SEC16B: variants seen among roughly 807,000 people sequenced by gnomAD.
SEC16B encodes protein transport protein Sec16B.
In SEC16B, 115 loss-of-function variants were observed where a neutral mutation model predicts 141.8. That is an observed-to-expected ratio of 0.81 (90% CI 0.70 to 0.95). SEC16B has a LOEUF of 0.95. SEC16B is among the 40% of genes least tolerant of loss of function. The pLI is 0.00. For missense variants in SEC16B, 1,291 were observed against 1,312.3 expected (o/e 0.98, Z 0.25); for synonymous variants, 493 against 492.5 (o/e 1.00, Z -0.01).
chr1:177,938,061 GT>G (rs1250660750), intron 18 of SEC16B, among the ~76,000 whole-genome samples: 2 of 152,020 alleles, frequency 1.3e-5, no homozygotes, highest in Non-Finnish European at 2.9e-5. Context: ...CGGCCACAAG[GT>G]TTTTTTTCTC....
intron 8 of SEC16B, chr1:177,960,085 C>A (rs894320986): frequency 2.1e-6 from 1 of 478,268 alleles, no homozygotes; most frequent in African/African-American, 2.0e-5. Flanking sequence ...AACCATGCAG[C>A]CTCTGCATAA....
chr1:177,934,235 G>A (rs898868862), intron 20 of SEC16B, among the ~76,000 whole-genome samples: 2 of 151,782 alleles, frequency 1.3e-5, no homozygotes, highest in Non-Finnish European at 2.9e-5. Context: ...ACACAGTGTC[G>A]TACAACCATC....
At chr1:177,954,432 T>C in intron 10 of SEC16B, 56 bp from the exon 11 acceptor site, 1 of 1,429,332 alleles carries the variant, frequency 7.0e-7, no homozygotes, top group Non-Finnish European at 9.7e-7. Context: ...ACTCACAAGT[T>C]CCTGTGCTTA....
intron 17 of SEC16B, among the ~76,000 whole-genome samples, chr1:177,940,284 G>T (rs904713163): frequency 4.6e-5 from 7 of 152,198 alleles, no homozygotes; most frequent in African/African-American, 1.7e-4. Flanking sequence ...ATTGTTCCTA[G>T]CGGAGATGGG....
chr1:177,980,974 CT>C (rs1295211580), intron 1 of SEC16B, among the ~76,000 whole-genome samples: 2 of 152,110 alleles, frequency 1.3e-5, no homozygotes, highest in East Asian at 3.9e-4. Context: ...GTGGTTTGAG[CT>C]TAGAATGCAA....
upstream of SEC16B, among the ~76,000 whole-genome samples, chr1:177,973,496 C>CA (rs1345379349): frequency 6.6e-6 from 1 of 152,102 alleles, no homozygotes; most frequent in Non-Finnish European, 1.5e-5. Context: ...TATTTTTAAT[C>CA]AATAGTGTTA....
rs969891273 is a variant in SEC16B, at chr1:177,932,618, C to T, written c.2933-49G>A. 4.7e-6 allele frequency: 7 copies of T among 1,501,690 alleles called. No homozygotes were observed. The African/African-American group carries it at 8.4e-5, about 18-fold the overall frequency. The allele number at this position is 1,501,690 out of a possible 1,614,324, so 93.0% of individuals were successfully genotyped here. A position where few individuals can be genotyped will look rare whatever the true frequency, so the allele number is the denominator to read the frequency against. On this transcript the variant is annotated intron_variant, in intron 23 of 25. Transcript: ENST00000308284. ...GTTTCCTCTGCTCAGGACTGGGGGT[C>T]CCCACTCCCAGAAGGCACCCCAACC...
At position 177,937,706 on chromosome 1, in the gene SEC16B, TTTTG is replaced by T. The variant is rs374792336; in HGVS notation, c.2204-197_2204-194del. ...AACATCCTCATTGCTGTTTACAGAA[TTTTG>T]TTTGTTTGTTTTTTTCTTCACTAGT... is the stretch of plus-strand genomic sequence containing the variant. On this transcript the variant is annotated intron_variant, in intron 18 of 25. Coordinates refer to ENST00000308284, the MANE Select transcript of SEC16B (RefSeq NM_033127.4). Among the ~76,000 whole-genome samples the T allele has an allele frequency of 3.5e-4, 54 of 152,264 alleles. 1 individual carries two copies. The highest frequency in any genetic ancestry group is 4.6e-4 in the Admixed American group (7 of 15,302).
chr1:177,947,821 T>C lies in SEC16B; in HGVS notation c.1663+4A>G. 4 of 1,481,578 alleles carry C rather than the reference T, an allele frequency of 2.7e-6. No homozygotes were observed. Among genetic ancestry groups the C allele is most frequent in the Non-Finnish European group, 3.6e-6 (4 of 1,107,438 alleles). The allele number at this position is 1,481,578 out of a possible 1,614,324, so 91.8% of individuals were successfully genotyped here. A position where few individuals can be genotyped will look rare whatever the true frequency, so the allele number is the denominator to read the frequency against. On this transcript the variant is annotated splice_donor_region_variant and intron_variant, in intron 13 of 25. Transcript: ENST00000308284. ...AGCGGAGGGGAAATGCTGGTGTCGCTTACCCAGGGTGTCCCCAATGGCAAC... is the reference window on the plus strand; with the variant it reads ...AGCGGAGGGGAAATGCTGGTGTCGCCTACCCAGGGTGTCCCCAATGGCAAC...
At chr1:177,977,876 G>A (rs754704556) in intron 1 of SEC16B, among the ~76,000 whole-genome samples, 2 of 152,142 alleles carry the variant, frequency 1.3e-5, no homozygotes, top group Non-Finnish European at 2.9e-5. Flanking sequence ...TCTTTTAAAT[G>A]AAATTTTTAA....
rs202059411 is a variant in SEC16B, at chr1:177,944,589, C to T, written c.1853G>A (p.Arg618His). 19 of 1,613,554 alleles carry T rather than the reference C, an allele frequency of 1.2e-5. No homozygotes were observed. Among genetic ancestry groups the T allele is most frequent in the African/African-American group, 6.7e-5 (5 of 74,894 alleles). ...EIFEYCQMLG[R>H]PKSFIPSFQV... is the part of the protein sequence containing the mutation. ...GAAAGAAGGGATGAAGGATTTGGGG[C>T]GGCCCAGCATCTGACAGTACTCGAA... Residue 618 changes from arginine to histidine, a missense_variant, in exon 15 of 26, where the codon CGC (arginine) becomes CAC (histidine). Around this residue, in one of 3 missense-constraint regions of SEC16B, gnomAD observed 605 missense variants for 614.1 expected, o/e 0.99. Transcript: ENST00000308284.
chr1:177,975,101 G>C (rs753919703), upstream of SEC16B, among the ~76,000 whole-genome samples: 2 of 152,142 alleles, frequency 1.3e-5, no homozygotes, highest in Admixed American at 1.3e-4. Flanking sequence ...ACATTATGAC[G>C]GTTTGGAATG....
At chr1:177,946,831 A>G (rs1651753978) in intron 13 of SEC16B, among the ~76,000 whole-genome samples, 1 of 152,214 alleles carries the variant, frequency 6.6e-6, no homozygotes. Context: ...GTCTTTCCTC[A>G]GGGTGAAAAA....
upstream of SEC16B, among the ~76,000 whole-genome samples, chr1:177,971,679 T>G (rs12093787): frequency 0.15 from 22,094 of 152,206 alleles, 1,964 homozygotes; most frequent in East Asian, 0.42. Flanking sequence ...TTAGAGGTTA[T>G]TTTAGCAACT....
chr1:177,967,771 G>T lies in SEC16B; in HGVS notation c.211C>A (p.His71Asn). The change falls in exon 2 of 26, where the codon CAT becomes AAT. Residue 71 changes from histidine to asparagine, a missense_variant. His to Asn is a moderately conservative substitution (Grantham distance 68). Around this residue, in one of 3 missense-constraint regions of SEC16B, gnomAD observed 681 missense variants for 675.5 expected, o/e 1.01. Transcript: ENST00000308284. ...CAGTCCCCTGGCCTGGATGCATAAT[G>T]GGGCTGCTGCTGATGGTCTGCCCTG... Reference protein sequence around the residue: ...EPRADHQQQPHYASRPGDWHQ... With the variant: ...EPRADHQQQPNYASRPGDWHQ... 1 of 1,613,966 alleles carries T rather than the reference G, an allele frequency of 6.2e-7. No individual in the cohort carries two copies. Among genetic ancestry groups the T allele is most frequent in the Non-Finnish European group, 8.5e-7 (1 of 1,179,836 alleles).
Position 177,933,581 on chromosome 1 carries a change from TTGGCTGAAC to T in SEC16B, c.2618_2626del (p.Ser873_Ala875del), listed in dbSNP as rs1650616767. ...ATCAGAGGACTCCTTCTCATCCTCC[TTGGCTGAAC>T]TGGCGGAACTCTCAGAAATACTTCG... On this transcript the variant is annotated inframe_deletion, in exon 21 of 26. Coordinates refer to ENST00000308284, the MANE Select transcript of SEC16B (RefSeq NM_033127.4). 1 of 1,613,832 alleles carries T rather than the reference TTGGCTGAAC, an allele frequency of 6.2e-7. No homozygotes were observed. Among genetic ancestry groups the T allele is most frequent in the Non-Finnish European group, 8.5e-7 (1 of 1,179,842 alleles).
At chr1:177,949,030 A>G (rs1984159) in intron 12 of SEC16B, among the ~76,000 whole-genome samples, 128,329 of 151,984 alleles carry the variant, frequency 0.84, 54,595 homozygotes, top group African/African-American at 0.94. Context: ...GGTAGGGCAG[A>G]AGATTGCCAA....
chr1:177,960,618 GC>G (rs1354955657), intron 7 of SEC16B, 172 bp downstream of exon 7: 3 of 726,156 alleles, frequency 4.1e-6, no homozygotes, highest in Non-Finnish European at 2.3e-6. Context: ...TCAGAGAAGA[GC>G]CCCACCCATT....
intron 9 of SEC16B, among the ~76,000 whole-genome samples, chr1:177,958,623 C>T (rs558265264): frequency 2.8e-4 from 42 of 152,310 alleles, no homozygotes; most frequent in Non-Finnish European, 5.1e-4. Flanking sequence ...TGCAATAACC[C>T]AGAAACTGTA....
Sources: gnomAD v4.1 joint callset for allele counts (sites outside exome capture counted in the v4.1 genomes callset) on GRCh38, gnomAD v4.1.1 for gene constraint, gnomAD v4.1.1 regional missense constraint, MANE v1.5 for transcripts, NCBI Gene and HGNC (gene_info 2026-07-23, HGNC 2026-07-21) for gene names.